Variants in CEP57 observed in about 807,000 individuals in gnomAD.
The protein encoded by CEP57 is centrosomal protein 57.
CEP57 carries 40 observed loss-of-function variants against 68.0 expected under a neutral mutation model. The observed-to-expected ratio is 0.59, with a 90% CI of 0.46 to 0.77. The LOEUF is 0.77. CEP57 is among the 30% of genes least tolerant of loss of function. The pLI is 0.00. For missense variants in CEP57, 606 were observed against 580.7 expected (o/e 1.04, Z -0.45); for synonymous variants, 219 against 198.7 (o/e 1.10, Z -0.86).
At chr11:95,790,788 G>A in intron 1 of CEP57, 45 bp downstream of exon 1, 2 of 1,607,086 alleles carry the variant, frequency 1.2e-6, no homozygotes, top group Non-Finnish European at 1.7e-6. Context: ...GGCCCTAAGC[G>A]CCTCTTTGAG....
chr11:95,790,290 T>G, upstream of CEP57: 1 of 289,812 alleles, frequency 3.5e-6, no homozygotes, highest in Non-Finnish European at 6.6e-6. Context: ...GCGACACCAC[T>G]ACTCGCCCAC....
chr11:95,817,776 T>C lies in CEP57; in HGVS notation c.505-11T>C, dbSNP rs777776219. On this transcript the variant is annotated splice_polypyrimidine_tract_variant and intron_variant, in intron 4 of 10. Transcript: ENST00000325542. ...TCAAATTATCAAGCCGTATTGAATA[T>C]TGTTTTTCAGGTTTCCCTAGAAAGA... 33 of 1,565,312 alleles carry C rather than the reference T, an allele frequency of 2.1e-5. 1 individual carries two copies. In the South Asian group the frequency reaches 3.4e-4, roughly 16 times the overall value.
intron 2 of CEP57, among the ~76,000 whole-genome samples, chr11:95,809,703 A>G (rs1044285342): frequency 2.0e-5 from 3 of 152,342 alleles, no homozygotes; most frequent in Admixed American, 2.0e-4. Flanking sequence ...TTGAGGCAAT[A>G]ATTAATAGCC....
chr11:95,829,237 T>A lies in CEP57; in HGVS notation c.1178T>A (p.Leu393Gln). ...ATCCAGGAGTCGCCAACCGTTGAAC[T>A]GAAAGACAAGTTGGAGTGTGAATTG... ...KLIQESPTVELKDKLECELEA... is the reference protein window; with the variant it reads ...KLIQESPTVEQKDKLECELEA... Residue 393 changes from leucine to glutamine, a missense_variant, in exon 10 of 11, where the codon CTG (leucine) becomes CAG (glutamine). Transcript: ENST00000325542. 1 of 1,613,974 alleles carries A rather than the reference T, an allele frequency of 6.2e-7. No homozygotes were observed.
chr11:95,830,982 C>A, intron 10 of CEP57, 44 bp from the exon 11 acceptor site: 2 of 1,467,404 alleles, frequency 1.4e-6, no homozygotes, highest in Non-Finnish European at 1.9e-6. Flanking sequence ...AAAATATTTT[C>A]ATTAAATTCT....
rs117065987 is a variant in CEP57, at chr11:95,807,246, G to A, written c.203-5686G>A. ...TCATCAGACCAAAGGTAGATAAAACGACAAAGATGTGGAGAAACCAAAGCA... is the reference window on the plus strand; with the variant it reads ...TCATCAGACCAAAGGTAGATAAAACAACAAAGATGTGGAGAAACCAAAGCA... On this transcript the variant is annotated intron_variant, in intron 2 of 10. Transcript: ENST00000325542. Among the ~76,000 whole-genome samples the A allele has an allele frequency of 9.9e-5, 15 of 152,216 alleles. No homozygotes were observed. The East Asian group carries it at 1.7e-3, about 18-fold the overall frequency.
intron 2 of CEP57, among the ~76,000 whole-genome samples, chr11:95,805,226 G>T (rs1861748058): frequency 6.6e-6 from 1 of 152,104 alleles, no homozygotes. Context: ...AAACTCAATG[G>T]ATATTAAAGG....
intron 8 of CEP57, among the ~76,000 whole-genome samples, chr11:95,824,481 G>T (rs1565331416): frequency 6.6e-6 from 1 of 152,150 alleles, no homozygotes; most frequent in African/African-American, 2.4e-5. Context: ...TAAAGCTGGA[G>T]AATTTAATTC....
chr11:95,822,493 A>G lies in CEP57; in HGVS notation c.808-6A>G, dbSNP rs372413990. 49 of 1,606,764 alleles carry G rather than the reference A, an allele frequency of 3.0e-5. No individual in the cohort carries two copies. The highest frequency in any genetic ancestry group is 3.9e-5 in the Non-Finnish European group (46 of 1,173,664). On this transcript the variant is annotated splice_region_variant and splice_polypyrimidine_tract_variant and intron_variant, in intron 7 of 10. Transcript: ENST00000325542. ...ATAAAATTGTTTTCCTTTTCTTTTCATTCAGAAAAGTTCTAGGAACTATTT... is the reference window on the plus strand; with the variant it reads ...ATAAAATTGTTTTCCTTTTCTTTTCGTTCAGAAAAGTTCTAGGAACTATTT...
chr11:95,799,438 A>T (rs1861482878), intron 2 of CEP57, 50 bp downstream of exon 2: 1 of 1,607,210 alleles, frequency 6.2e-7, no homozygotes, highest in African/African-American at 1.3e-5. Flanking sequence ...TTGCTGCTTT[A>T]AAATTCTTAA....
intron 2 of CEP57, among the ~76,000 whole-genome samples, chr11:95,808,912 C>A (rs1319568615): frequency 6.6e-6 from 1 of 152,198 alleles, no homozygotes; most frequent in Non-Finnish European, 1.5e-5. Context: ...TTCTTCTCAG[C>A]ACCACATCAC....
intron 4 of CEP57, among the ~76,000 whole-genome samples, chr11:95,816,777 G>T (rs1316905654): frequency 6.6e-6 from 1 of 152,082 alleles, no homozygotes; most frequent in African/African-American, 2.4e-5. Context: ...CTAGTATAAT[G>T]GTTTACGGGT....
At chr11:95,818,692 G>A (rs1862403069) in intron 5 of CEP57, 135 bp from the exon 6 acceptor site, 3 of 679,096 alleles carry the variant, frequency 4.4e-6, no homozygotes, top group Admixed American at 4.7e-5. Flanking sequence ...CCAGCTCACA[G>A]CCTCCATTAC....
At chr11:95,828,663 T>C (rs1862862285) in intron 9 of CEP57, among the ~76,000 whole-genome samples, 1 of 152,194 alleles carries the variant, frequency 6.6e-6, no homozygotes, top group South Asian at 2.1e-4. Context: ...TACAATACTC[T>C]TTTGGGGAAA....
In CEP57 at chr11:95,827,963, G is replaced by T. The variant is rs202115720; in HGVS notation, c.1063G>T (p.Gly355Cys). Residue 355 changes from glycine (G) to cysteine (C), a missense_variant, in exon 9 of 11, where the codon GGT (glycine) becomes TGT (cysteine). Physicochemically the swap from Gly to Cys is radical, Grantham distance 159. Transcript: ENST00000325542. ...KLSVTPPSSN[G>C]INEELSEVLQ... Reference sequence around the variant, plus strand: ...GTCAGTAACACCTCCCTCCTCCAACGGTATTAATGAGGAGTTGTCAGAAGT... The same window carrying T: ...GTCAGTAACACCTCCCTCCTCCAACTGTATTAATGAGGAGTTGTCAGAAGT... The T allele has an allele frequency of 6.8e-6, 11 of 1,613,782 alleles. No individual in the cohort carries two copies. The East Asian group carries it at 8.9e-5, about 13-fold the overall frequency.
At chr11:95,798,428 C>T (rs781736951) in intron 1 of CEP57, among the ~76,000 whole-genome samples, 76 of 152,256 alleles carry the variant, frequency 5.0e-4, no homozygotes, top group Admixed American at 1.2e-3. Context: ...AAATGTAAAT[C>T]TTCAAAGGTA....
intron 2 of CEP57, among the ~76,000 whole-genome samples, chr11:95,803,714 A>G (rs1296872191): frequency 6.6e-6 from 1 of 151,788 alleles, no homozygotes; most frequent in South Asian, 2.1e-4. Flanking sequence ...TCGGCTTGTA[A>G]CTAGCTTCAT....
At chr11:95,794,045 C>A (rs902035861) in intron 1 of CEP57, among the ~76,000 whole-genome samples, 1 of 152,044 alleles carries the variant, frequency 6.6e-6, no homozygotes, top group African/African-American at 2.4e-5. Context: ...AGAGCGAATG[C>A]AGAACTAGAT....
In CEP57 at chr11:95,799,883, C is replaced by G. The variant is rs929505798; in HGVS notation, c.202+495C>G. Among the ~76,000 whole-genome samples the G allele has an allele frequency of 3.3e-5, 5 of 152,304 alleles. No homozygotes were observed. The East Asian group carries it at 9.6e-4, about 29-fold the overall frequency. ...AGCTTTAGCATCTCTTCATAGCTTA[C>G]ATAATAAATTCTTAATTTTTCATAA... On this transcript the variant is annotated intron_variant, in intron 2 of 10. Coordinates refer to ENST00000325542, the MANE Select transcript of CEP57 (RefSeq NM_014679.5).
Sources: gnomAD v4.1 joint callset for allele counts (sites outside exome capture counted in the v4.1 genomes callset) on GRCh38, gnomAD v4.1.1 for gene constraint, MANE v1.5 for transcripts, NCBI Gene and HGNC (gene_info 2026-07-23, HGNC 2026-07-21) for gene names.